The following SH3GL3 variants were observed in gnomAD, a reference collection of about 807,000 sequenced individuals.
SH3GL3 encodes SH3 domain containing GRB2 like 3, endophilin A3, also known as endophilin-A3.
In SH3GL3, 33 loss-of-function variants were observed where a neutral mutation model predicts 47.7. That is an observed-to-expected ratio of 0.69 (90% CI 0.52 to 0.92). The LOEUF (loss-of-function observed/expected upper bound fraction) is 0.92, where lower values mean the gene tolerates loss of function less well. SH3GL3 is among the 40% of genes least tolerant of loss of function. The pLI, the probability that SH3GL3 is intolerant of heterozygous loss-of-function variation, is 0.00. For missense variants in SH3GL3, 363 were observed against 417.8 expected, an observed-to-expected ratio of 0.87 and a Z score of 1.14; for synonymous variants, 155 against 148.8, an observed-to-expected ratio of 1.04 and a Z score of -0.30.
the SH3GL3 span, among the ~76,000 whole-genome samples, chr15:83,630,796 G>A: frequency 2.6e-5 from 4 of 152,180 alleles, no homozygotes; most frequent in Middle Eastern, 0.014. Flanking sequence ...CGGGGACATA[G>A]CCAAACCATA....
At chr15:83,628,682 A>C in the SH3GL3 span, among the ~76,000 whole-genome samples, 1 of 152,168 alleles carries the variant, frequency 6.6e-6, no homozygotes, top group East Asian at 1.9e-4. Context: ...GGTGGAGATT[A>C]CAGTGAGCTG....
In SH3GL3 at chr15:83,595,883, C is replaced by T. The variant is rs1036004407; in HGVS notation, c.838+7112C>T. Among the ~76,000 whole-genome samples the T allele has an allele frequency of 1.4e-4, 22 of 152,044 alleles. No individual in the cohort carries two copies. In the East Asian group the frequency reaches 3.3e-3, roughly 23 times the overall value. On this transcript the variant is annotated intron_variant, in intron 8 of 8. Transcript: ENST00000427482. The stretch of plus-strand genomic sequence containing the variant: ...AGAAATTGGTAATTTTTGTCTTTTT[C>T]TTTTCTTAATCATTTTAGCTATAGA...
chr15:83,619,048 G>T (rs776548328), downstream of SH3GL3, among the ~76,000 whole-genome samples: 1 of 152,190 alleles, frequency 6.6e-6, no homozygotes, highest in Non-Finnish European at 1.5e-5. Flanking sequence ...AAGTAGTGTG[G>T]TCAAGAGTTG....
rs1008965598 is a variant in SH3GL3 at position 83,572,445 on chromosome 15, G to A, written c.332-120G>A. On this transcript the variant is annotated intron_variant, in intron 4 of 8. Coordinates refer to ENST00000427482, the MANE Select transcript of SH3GL3 (RefSeq NM_003027.5). ...TTCTGATCCAGGATTCAGAGGTCCC[G>A]GAGCAAGGACCTTGCTACACCATCA... is the stretch of plus-strand genomic sequence containing the variant. The A allele has an allele frequency of 3.0e-5, 23 of 769,616 alleles. No individual in the cohort carries two copies. The African/African-American group carries it at 3.4e-4, about 11-fold the overall frequency. The allele number at this position is 769,616 out of a possible 1,614,324, so 47.7% of individuals were successfully genotyped here. A position where few individuals can be genotyped will look rare whatever the true frequency, so the allele number is the denominator to read the frequency against.
chr15:83,564,530 A>G (rs1303901444), intron 2 of SH3GL3, among the ~76,000 whole-genome samples: 2 of 152,366 alleles, frequency 1.3e-5, no homozygotes, highest in South Asian at 2.1e-4. Context: ...TAACAACCAG[A>G]AAGTCCAGGA....
intron 1 of SH3GL3, among the ~76,000 whole-genome samples, chr15:83,471,136 A>G (rs761402548): frequency 5.9e-5 from 9 of 151,918 alleles, no homozygotes; most frequent in Non-Finnish European, 1.3e-4. Context: ...TGTTTCTTTT[A>G]GTTTAGAGAA....
chr15:83,450,759 CTTTT>C (rs11389152), intron 1 of SH3GL3, among the ~76,000 whole-genome samples: 4 of 44,538 alleles, frequency 9.0e-5, no homozygotes, highest in African/African-American at 2.0e-4. Flanking sequence ...GGATATTTTT[CTTTT>C]TTTTTTTTTT....
chr15:83,525,679 T>C (rs2043390176), intron 1 of SH3GL3, among the ~76,000 whole-genome samples: 1 of 152,142 alleles, frequency 6.6e-6, no homozygotes, highest in Admixed American at 6.6e-5. Context: ...CTTAAATCTA[T>C]TTTGAGTTGA....
chr15:83,505,448 G>A (rs563263650), intron 1 of SH3GL3, among the ~76,000 whole-genome samples: 7 of 151,472 alleles, frequency 4.6e-5, no homozygotes, highest in Non-Finnish European at 1.0e-4. Context: ...TATCTCATTG[G>A]GATTTTAATT....
chr15:83,496,697 C>T (rs966473858), intron 1 of SH3GL3, among the ~76,000 whole-genome samples: 12 of 152,228 alleles, frequency 7.9e-5, no homozygotes, highest in South Asian at 2.1e-4. Flanking sequence ...AGTTTTGACA[C>T]CTCTTGGAAA....
intron 2 of SH3GL3, among the ~76,000 whole-genome samples, chr15:83,562,248 T>G (rs2045326454): frequency 6.6e-6 from 1 of 152,200 alleles, no homozygotes; most frequent in South Asian, 2.1e-4. Context: ...ATGCTTGGGC[T>G]GGTGTGGAGG....
intron 6 of SH3GL3, among the ~76,000 whole-genome samples, chr15:83,580,812 C>A (rs1388204506): frequency 6.6e-6 from 1 of 152,164 alleles, no homozygotes; most frequent in Non-Finnish European, 1.5e-5. Flanking sequence ...GGCCCCAACC[C>A]TGCAGAGCCA....
intron 8 of SH3GL3, among the ~76,000 whole-genome samples, chr15:83,607,845 A>G (rs2151839397): frequency 2.3e-5 from 2 of 86,970 alleles, no homozygotes; most frequent in African/African-American, 1.3e-4. Context: ...GTGGCAAATA[A>G]TAATAATAAT....
chr15:83,624,910 C>T, the SH3GL3 span, among the ~76,000 whole-genome samples: 13 of 152,202 alleles, frequency 8.5e-5, no homozygotes, highest in South Asian at 1.9e-3. Flanking sequence ...TTTTAGGAGC[C>T]GCTTTTCATC....
intron 1 of SH3GL3, among the ~76,000 whole-genome samples, chr15:83,472,700 T>C (rs2040885261): frequency 6.6e-6 from 1 of 152,226 alleles, no homozygotes; most frequent in South Asian, 2.1e-4. Context: ...TGTTGGCATC[T>C]ACTGATTGTC....
chr15:83,493,930 G>A (rs548465511), intron 1 of SH3GL3, among the ~76,000 whole-genome samples: 1 of 152,234 alleles, frequency 6.6e-6, no homozygotes, highest in Non-Finnish European at 1.5e-5. Flanking sequence ...GGCAGCCACT[G>A]GGAGAGGAAG....
intron 6 of SH3GL3, among the ~76,000 whole-genome samples, chr15:83,580,198 C>T (rs1167260068): frequency 1.3e-5 from 2 of 152,186 alleles, no homozygotes; most frequent in Non-Finnish European, 2.9e-5. Flanking sequence ...CATGTTGCTT[C>T]CTTTCCTGGT....
At chr15:83,562,323 G>T (rs2045331017) in intron 2 of SH3GL3, among the ~76,000 whole-genome samples, 1 of 151,944 alleles carries the variant, frequency 6.6e-6, no homozygotes, top group South Asian at 2.1e-4. Flanking sequence ...TTTGTTTCTT[G>T]GGCTTTTTTG....
chr15:83,591,100 CAGGT>C (rs1203223867), intron 8 of SH3GL3, among the ~76,000 whole-genome samples: 2 of 152,060 alleles, frequency 1.3e-5, no homozygotes, highest in Admixed American at 1.3e-4. Flanking sequence ...CTCCGCCTCC[CAGGT>C]TCAAGCAATT....
Sources: allele counts gnomAD v4.1 joint callset (sites outside exome capture counted in the v4.1 genomes callset), GRCh38; gene constraint gnomAD v4.1.1; transcripts MANE v1.5; gene names NCBI Gene and HGNC (gene_info 2026-07-23, HGNC 2026-07-21).